Variants in MAML3 observed in about 807,000 individuals in gnomAD.
The protein encoded by MAML3 is mastermind-like protein 3.
Under a neutral mutation model 101.9 loss-of-function variants are expected in MAML3, and 27 were observed. The ratio of observed to expected loss-of-function variants is 0.27; its 90% CI spans 0.20 to 0.37. The LOEUF (loss-of-function observed/expected upper bound fraction) is 0.37. MAML3 is among the 10% of genes least tolerant of loss of function. MAML3 has a pLI of 1.00. For synonymous variants in MAML3, 501 were observed against 555.9 expected (o/e 0.90, Z 1.39); for missense variants, 1,316 against 1,444.9 (o/e 0.91, Z 1.45).
At chr4:140,028,878 C>T (rs1726866148) in intron 1 of MAML3, among the ~76,000 whole-genome samples, 2 of 152,212 alleles carry the variant, frequency 1.3e-5, no homozygotes, top group Admixed American at 1.3e-4. Context: ...GATTCATGCT[C>T]TCCTGTGAGA....
intron 1 of MAML3, among the ~76,000 whole-genome samples, chr4:139,893,418 A>G (rs1024649223): frequency 6.6e-6 from 1 of 151,968 alleles, no homozygotes; most frequent in Non-Finnish European, 1.5e-5. Context: ...GCTTTTTCAC[A>G]CTTTGGGGCA....
At chr4:139,761,495 A>C (rs950849240) in intron 2 of MAML3, among the ~76,000 whole-genome samples, 1 of 152,070 alleles carries the variant, frequency 6.6e-6, no homozygotes, top group African/African-American at 2.4e-5. Flanking sequence ...GCTTCCTTTC[A>C]TCCCATTAAT....
rs1734199371 is a variant in MAML3 at position 139,969,585 on chromosome 4, T to C, written c.469-78618A>G. ...ATGAAAAGCTCCCTGACACCACTTC[T>C]GGCAATAGTAACATATTTATGTAAA... On this transcript the variant is annotated intron_variant, in intron 1 of 4. Transcript: ENST00000509479. Among the ~76,000 whole-genome samples, 3 of 152,316 alleles carry C rather than the reference T, an allele frequency of 2.0e-5. No homozygotes were observed. The South Asian group carries it at 6.2e-4, about 32-fold the overall frequency.
intron 1 of MAML3, among the ~76,000 whole-genome samples, chr4:140,092,094 ATATATATACG>A (rs1377159592): frequency 1.6e-4 from 22 of 133,810 alleles, no homozygotes; most frequent in East Asian, 7.4e-4. Flanking sequence ...ATACGTATAT[ATATATATACG>A]TATATATATA....
intron 1 of MAML3, among the ~76,000 whole-genome samples, chr4:140,137,878 C>A (rs932406074): frequency 6.6e-6 from 1 of 152,212 alleles, no homozygotes; most frequent in African/African-American, 2.4e-5. Flanking sequence ...ACACAAACAA[C>A]CTGTGCCTCC....
intron 2 of MAML3, among the ~76,000 whole-genome samples, chr4:139,806,501 A>G (rs554717775): frequency 1.4e-4 from 22 of 152,320 alleles, no homozygotes; most frequent in Non-Finnish European, 2.9e-4. Context: ...GAGCTCATTC[A>G]GTAGGCAAGC....
At chr4:139,819,909 G>A (rs756454595) in intron 2 of MAML3, among the ~76,000 whole-genome samples, 19 of 152,168 alleles carry the variant, frequency 1.2e-4, no homozygotes, top group Non-Finnish European at 2.5e-4. Flanking sequence ...ATTTTCTTCC[G>A]CTCTGATTCC....
At chr4:139,873,544 A>G (rs1053002515) in intron 2 of MAML3, among the ~76,000 whole-genome samples, 1 of 152,250 alleles carries the variant, frequency 6.6e-6, no homozygotes, top group Non-Finnish European at 1.5e-5. Flanking sequence ...GAATGAAACA[A>G]TGAAGAAACG....
chr4:140,153,949 C>A lies in MAML3; in HGVS notation c.-622G>T. 6.5e-6 allele frequency: 1 copy of A among 153,506 alleles called. No homozygotes were observed. The highest frequency in any genetic ancestry group is 1.9e-4 in the South Asian group (1 of 5,190). The allele number at this position is 153,506 out of a possible 1,614,324, so 9.5% of individuals were successfully genotyped here. A position where few individuals can be genotyped will look rare whatever the true frequency, so the allele number is the denominator to read the frequency against. On this transcript the variant is annotated 5_prime_UTR_variant, in exon 1 of 5. The change creates a new upstream start codon in the 5' untranslated region. Transcript: ENST00000509479. ...TTCACAGGAACCTAGATATCGAATC[C>A]TCGGGCTGGGGGAAGTAAACACATG... is the stretch of plus-strand genomic sequence containing the variant.
intron 2 of MAML3, among the ~76,000 whole-genome samples, chr4:139,760,214 A>G (rs964069913): frequency 2.0e-5 from 3 of 152,238 alleles, no homozygotes; most frequent in Admixed American, 6.5e-5. Flanking sequence ...AGATACAATG[A>G]TACAAACCTG....
intron 1 of MAML3, among the ~76,000 whole-genome samples, chr4:139,930,850 T>A (rs1402252922): frequency 6.6e-6 from 1 of 152,222 alleles, no homozygotes; most frequent in Admixed American, 6.5e-5. Flanking sequence ...TTTCATGATT[T>A]TTTTTTTAAG....
intron 1 of MAML3, among the ~76,000 whole-genome samples, chr4:140,095,044 C>T (rs1728133400): frequency 6.6e-6 from 1 of 152,190 alleles, no homozygotes; most frequent in African/African-American, 2.4e-5. Flanking sequence ...GGTGCCTCTC[C>T]GCAGCCAGGC....
intron 1 of MAML3, among the ~76,000 whole-genome samples, chr4:140,117,634 T>C (rs1436397331): frequency 6.7e-6 from 1 of 148,700 alleles, no homozygotes; most frequent in Admixed American, 6.8e-5. Flanking sequence ...TATGTATGTA[T>C]GTATGTGTAT....
chr4:139,770,852 A>G (rs897392988), intron 2 of MAML3, among the ~76,000 whole-genome samples: 15 of 152,246 alleles, frequency 9.9e-5, no homozygotes, highest in African/African-American at 2.4e-4. Flanking sequence ...AGCAAAATGT[A>G]TCCAGCAGAA....
chr4:140,025,938 T>C (rs1726815357), intron 1 of MAML3, among the ~76,000 whole-genome samples: 1 of 152,162 alleles, frequency 6.6e-6, no homozygotes, highest in Admixed American at 6.5e-5. Context: ...ATGTGTGAGT[T>C]TGTGTGCATG....
intron 1 of MAML3, among the ~76,000 whole-genome samples, chr4:139,997,164 T>C (rs899483408): frequency 1.3e-5 from 2 of 150,750 alleles, no homozygotes; most frequent in Non-Finnish European, 3.0e-5. Context: ...ACATTATATA[T>C]ATACATAATT....
intron 2 of MAML3, among the ~76,000 whole-genome samples, chr4:139,792,592 G>A (rs1578603549): frequency 6.6e-6 from 1 of 152,128 alleles, no homozygotes; most frequent in Non-Finnish European, 1.5e-5. Context: ...TACCCAGACA[G>A]CAACAAAACA....
At chr4:139,722,848 A>G (rs1346751184) in intron 4 of MAML3, among the ~76,000 whole-genome samples, 1 of 152,260 alleles carries the variant, frequency 6.6e-6, no homozygotes, top group African/African-American at 2.4e-5. Flanking sequence ...GATGCATAAC[A>G]TCATGCTATC....
At chr4:139,773,210 G>A (rs533621415) in intron 2 of MAML3, among the ~76,000 whole-genome samples, 36 of 152,048 alleles carry the variant, frequency 2.4e-4, no homozygotes, top group Admixed American at 2.2e-3. Context: ...CTCACCATAC[G>A]CTCATGAAGA....
Sources: allele counts gnomAD v4.1 joint callset (sites outside exome capture counted in the v4.1 genomes callset), GRCh38; gene constraint gnomAD v4.1.1; transcripts MANE v1.5; gene names NCBI Gene and HGNC (gene_info 2026-07-23, HGNC 2026-07-21).